RFX3: variants seen among roughly 807,000 people sequenced by gnomAD.
RFX3 encodes the protein transcription factor RFX3.
A neutral mutation model predicts 98.6 loss-of-function variants in RFX3; 14 were observed. The ratio of observed to expected loss-of-function variants is 0.14; its 90% confidence interval spans 0.09 to 0.22. The LOEUF (loss-of-function observed/expected upper bound fraction) is 0.22. RFX3 is among the 10% of genes least tolerant of loss of function. The probability of loss-of-function intolerance (pLI) is 1.00; values close to 1 mark genes in which losing one functional copy is unlikely to be tolerated. For missense variants in RFX3, 639 were observed against 926.9 expected (o/e 0.69, Z 4.03); for synonymous variants, 383 against 328.4 (o/e 1.17, Z -1.80).
intron 14 of RFX3, among the ~76,000 whole-genome samples, chr9:3,254,994 T>G (rs1821922462): frequency 6.6e-6 from 1 of 152,196 alleles, no homozygotes; most frequent in South Asian, 2.1e-4. Context: ...ACTGTGGAAT[T>G]GTACCACTGC....
chr9:3,287,093 A>G (rs967379652), intron 7 of RFX3, among the ~76,000 whole-genome samples: 1 of 151,918 alleles, frequency 6.6e-6, no homozygotes, highest in Non-Finnish European at 1.5e-5. Context: ...CTCTTCAAAC[A>G]TAAGAACTGT....
At chr9:3,226,919 C>T (rs117138654) in intron 16 of RFX3, among the ~76,000 whole-genome samples, 1,636 of 152,126 alleles carry the variant, frequency 0.011, 16 homozygotes, top group Non-Finnish European at 0.018. Flanking sequence ...AATTTTTCTA[C>T]GGAGCAAATA....
At chr9:3,448,139 C>T (rs1451233146) in intron 1 of RFX3, among the ~76,000 whole-genome samples, 1 of 151,800 alleles carries the variant, frequency 6.6e-6, no homozygotes, top group Non-Finnish European at 1.5e-5. Context: ...TTGAGATTTA[C>T]TCTGTAAACA....
At chr9:3,379,460 A>C (rs1343897411) in intron 2 of RFX3, among the ~76,000 whole-genome samples, 1 of 152,196 alleles carries the variant, frequency 6.6e-6, no homozygotes, top group Non-Finnish European at 1.5e-5. Context: ...CTTAGCTTTA[A>C]CATTTTCATA....
chr9:3,521,655 A>G (rs911701637), intron 1 of RFX3, among the ~76,000 whole-genome samples: 5 of 152,204 alleles, frequency 3.3e-5, no homozygotes, highest in African/African-American at 7.2e-5. Flanking sequence ...ACTTAAAAAT[A>G]TTATCATTTT....
chr9:3,256,515 G>C (rs1182204969), intron 14 of RFX3, among the ~76,000 whole-genome samples: 1 of 152,116 alleles, frequency 6.6e-6, no homozygotes, highest in Non-Finnish European at 1.5e-5. Flanking sequence ...AGGTAGATTT[G>C]GAGGAGGTGC....
At position 3,275,609 on chromosome 9, in the gene RFX3, G is replaced by A; in HGVS notation, c.977C>T (p.Ala326Val). ...QSQHHQQFLDASRALPEFGEV... is the reference protein window; with the variant it reads ...QSQHHQQFLDVSRALPEFGEV... ...TCCAAACTCTGGAAGTGCTCGAGAT[G>A]CATCTGTTACCGTGACAACAGAACA... The change falls in exon 9 of 17, where the codon GCA becomes GTA. Residue 326 changes from alanine (A) to valine (V), a missense_variant. Coordinates refer to ENST00000617270, the MANE Select transcript of RFX3 (RefSeq NM_001282116.2). 1.3e-6 allele frequency: 2 copies of A among 1,588,866 alleles called. No individual in the cohort carries two copies. Among genetic ancestry groups the A allele is most frequent in the Non-Finnish European group, 8.6e-7 (1 of 1,157,530 alleles).
chr9:3,376,414 C>CAAA, intron 2 of RFX3, among the ~76,000 whole-genome samples: 1 of 152,176 alleles, frequency 6.6e-6, no homozygotes, highest in South Asian at 2.1e-4. Flanking sequence ...AAATGTTCAA[C>CAAA]AATAGGTGAA....
At chr9:3,522,556 C>CGTGTGT (rs111656079) in intron 1 of RFX3, among the ~76,000 whole-genome samples, 32 of 145,378 alleles carry the variant, frequency 2.2e-4, no homozygotes, top group African/African-American at 4.7e-4. Flanking sequence ...AGTGTGTGTG[C>CGTGTGT]GTGTGTGTGT....
chr9:3,238,206 T>C (rs369399842), intron 15 of RFX3, among the ~76,000 whole-genome samples: 25 of 152,278 alleles, frequency 1.6e-4, no homozygotes, highest in African/African-American at 5.8e-4. Context: ...ATGGTGATTT[T>C]AAAATGAAAT....
At chr9:3,303,937 G>C (rs1005682645) in intron 4 of RFX3, among the ~76,000 whole-genome samples, 2 of 152,016 alleles carry the variant, frequency 1.3e-5, no homozygotes, top group African/African-American at 4.8e-5. Context: ...TTTGGCTTTA[G>C]GAATCTTCTG....
chr9:3,364,246 T>A (rs1313065943), intron 2 of RFX3: 2 of 158,230 alleles, frequency 1.3e-5, no homozygotes, highest in African/African-American at 4.8e-5. Flanking sequence ...CTATAACAAT[T>A]ACTAATTTCA....
intron 1 of RFX3, among the ~76,000 whole-genome samples, chr9:3,457,056 G>C (rs1847236307): frequency 7.0e-6 from 1 of 143,286 alleles, no homozygotes; most frequent in South Asian, 2.2e-4. Context: ...CAGGAGAATA[G>C]CTTGAACCCG....
At chr9:3,243,617 A>C (rs937883901) in intron 15 of RFX3, among the ~76,000 whole-genome samples, 3 of 152,214 alleles carry the variant, frequency 2.0e-5, no homozygotes, top group African/African-American at 7.2e-5. Context: ...AAATAATGTA[A>C]GTAATGTTAA....
At chr9:3,416,847 C>T (rs1331382003) in intron 1 of RFX3, among the ~76,000 whole-genome samples, 1 of 151,780 alleles carries the variant, frequency 6.6e-6, no homozygotes. Context: ...ACAGAAGAAA[C>T]AAAAAATAAA....
At position 3,286,430 on chromosome 9, in the gene RFX3, T is replaced by C. The variant is rs148034338; in HGVS notation, c.851+1701A>G. Among the ~76,000 whole-genome samples, 923 of 151,954 alleles carry C rather than the reference T, an allele frequency of 6.1e-3. 2 individuals are homozygous for C. Among genetic ancestry groups the C allele is most frequent in the Non-Finnish European group, 9.8e-3 (667 of 67,826 alleles). On this transcript the variant is annotated intron_variant, in intron 7 of 16. Transcript: ENST00000617270. ...ATAAAAAAATAAGATTGAGAATCTG[T>C]AATAAAAAATCTAAAACCTTTAAGA...
At chr9:3,317,520 G>A (rs988921485) in intron 4 of RFX3, among the ~76,000 whole-genome samples, 13 of 152,154 alleles carry the variant, frequency 8.5e-5, no homozygotes, top group African/African-American at 3.1e-4. Context: ...TTGACAAATG[G>A]GTTCTAATAA....
intron 4 of RFX3, among the ~76,000 whole-genome samples, chr9:3,305,082 G>A (rs1283329243): frequency 6.6e-6 from 1 of 151,992 alleles, no homozygotes; most frequent in Non-Finnish European, 1.5e-5. Flanking sequence ...AAGTGTTCAG[G>A]GGGTAAAAGG....
intron 1 of RFX3, among the ~76,000 whole-genome samples, chr9:3,476,877 C>A (rs1189338475): frequency 1.3e-5 from 2 of 152,090 alleles, no homozygotes; most frequent in East Asian, 3.8e-4. Context: ...CAGACCACAG[C>A]TCAAATCCTA....
Sources: allele counts gnomAD v4.1 joint callset (sites outside exome capture counted in the v4.1 genomes callset), GRCh38; gene constraint gnomAD v4.1.1; transcripts MANE v1.5; gene names NCBI Gene and HGNC (gene_info 2026-07-23, HGNC 2026-07-21).